The following ATP9B variants were observed in gnomAD, a reference collection of about 807,000 sequenced individuals.
ATP9B encodes the protein ATPase phospholipid transporting 9B.
A neutral mutation model predicts 146.1 loss-of-function variants in ATP9B; 110 were observed. The ratio of observed to expected loss-of-function variants is 0.75; its 90% CI spans 0.65 to 0.88. The LOEUF (loss-of-function observed/expected upper bound fraction) is 0.88, where lower values mean the gene tolerates loss of function less well. Ranked by LOEUF, ATP9B falls within the 40% of genes least tolerant of loss-of-function variation. ATP9B has a pLI of 0.00. For synonymous variants in ATP9B, 604 were observed against 569.7 expected (o/e 1.06, Z -0.86); for missense variants, 1,499 against 1,496.4 (o/e 1.00, Z -0.03).
Position 79,214,874 on chromosome 18 carries a change from G to A in ATP9B, c.1107+836G>A, listed in dbSNP as rs76652038. On this transcript the variant is annotated intron_variant, in intron 11 of 29. Coordinates refer to ENST00000426216, the MANE Select transcript of ATP9B (RefSeq NM_198531.5). ...AATTCTTTGAAAAGATAGGCCAAGC[G>A]TGGTGGCTCACGCCTCTAATTACAG... is the stretch of plus-strand genomic sequence containing the variant. 4.8e-3 allele frequency among the ~76,000 whole-genome samples: 727 copies of A among 152,306 alleles called. 4 individuals carry two copies. Among genetic ancestry groups the A allele is most frequent in the South Asian group, 8.9e-3 (43 of 4,830 alleles).
chr18:79,217,399 T>A (rs1285266965), intron 11 of ATP9B, among the ~76,000 whole-genome samples: 1 of 152,218 alleles, frequency 6.6e-6, no homozygotes, highest in African/African-American at 2.4e-5. Context: ...TTAGCCAGGA[T>A]TGTCTCATTC....
At chr18:79,369,709 C>T (rs1458047066) in intron 26 of ATP9B, among the ~76,000 whole-genome samples, 7 of 152,246 alleles carry the variant, frequency 4.6e-5, no homozygotes, top group South Asian at 2.1e-4. Flanking sequence ...TCACGCCACA[C>T]GCGCATCAGC....
intron 1 of ATP9B, among the ~76,000 whole-genome samples, chr18:79,084,785 A>C (rs671928): frequency 0.061 from 9,253 of 152,244 alleles, 365 homozygotes; most frequent in Non-Finnish European, 0.092. Context: ...TTTTCCTTGA[A>C]GTGGAATTAT....
At chr18:79,311,308 G>A (rs1039916572) in intron 15 of ATP9B, among the ~76,000 whole-genome samples, 4 of 152,112 alleles carry the variant, frequency 2.6e-5, no homozygotes, top group Non-Finnish European at 5.9e-5. Context: ...TTGATAAACG[G>A]GTGAATGTGA....
intron 13 of ATP9B, among the ~76,000 whole-genome samples, chr18:79,288,355 C>G (rs2096465748): frequency 6.6e-6 from 1 of 152,072 alleles, no homozygotes; most frequent in African/African-American, 2.4e-5. Flanking sequence ...TGACTTGATC[C>G]CTTTACCATT....
chr18:79,331,745 CAGAA>C (rs1427221337), intron 17 of ATP9B, among the ~76,000 whole-genome samples: 9 of 151,736 alleles, frequency 5.9e-5, no homozygotes, highest in Non-Finnish European at 1.0e-4. Context: ...GATCACATAA[CAGAA>C]AGAACCAGTT....
At chr18:79,275,237 C>T (rs1200311030) in intron 12 of ATP9B, among the ~76,000 whole-genome samples, 1 of 146,510 alleles carries the variant, frequency 6.8e-6, no homozygotes, top group African/African-American at 2.5e-5. Context: ...CTCTTCTGTA[C>T]AGGAAGGCAG....
chr18:79,307,316 GGGAATATAGA>G, intron 15 of ATP9B, 82 bp downstream of exon 15: 1 of 1,582,204 alleles, frequency 6.3e-7, no homozygotes, highest in East Asian at 2.2e-5. Context: ...TTCTGGGATG[GGGAATATAGA>G]GGAGCAGTTT....
chr18:79,246,537 C>T (rs2144875436), intron 11 of ATP9B, among the ~76,000 whole-genome samples: 1 of 152,358 alleles, frequency 6.6e-6, no homozygotes, highest in East Asian at 1.9e-4. Context: ...TAGATTCTGG[C>T]CAGCATTCTG....
intron 12 of ATP9B, among the ~76,000 whole-genome samples, chr18:79,268,670 T>G (rs1461006478): frequency 6.6e-6 from 1 of 152,236 alleles, no homozygotes; most frequent in Admixed American, 6.5e-5. Flanking sequence ...AAACCCTGGT[T>G]ATTCTTAAAC....
intron 12 of ATP9B, among the ~76,000 whole-genome samples, chr18:79,260,151 A>G (rs926937923): frequency 6.6e-6 from 1 of 152,194 alleles, no homozygotes; most frequent in Non-Finnish European, 1.5e-5. Context: ...TTGATGAACA[A>G]AGGAGGTTGA....
Position 79,069,530 on chromosome 18 carries a change from G to T in ATP9B, c.119+1G>T. On this transcript the variant is annotated splice_donor_variant, in intron 1 of 29. Transcript: ENST00000426216. LOFTEE classifies it high-confidence loss of function. ...GGCCGGGAGCCGACCGGCACAGCAG[G>T]TAACCGAGGCGGCACTGGCCCCGTT... 1 of 1,368,944 alleles carries T rather than the reference G, an allele frequency of 7.3e-7. No homozygotes were observed. Among genetic ancestry groups the T allele is most frequent in the South Asian group, 1.7e-5 (1 of 59,660 alleles). 84.8% of individuals were successfully genotyped at this position (1,368,944 alleles called of 1,614,324 possible). A position where few individuals can be genotyped will look rare whatever the true frequency, so the allele number is the denominator to read the frequency against.
At chr18:79,360,491 C>T (rs1035757591) in intron 26 of ATP9B, 2 of 151,878 alleles carry the variant, frequency 1.3e-5, no homozygotes, top group Non-Finnish European at 2.9e-5. Flanking sequence ...TCCTGTCTGT[C>T]TAACTAGTAA....
chr18:79,101,247 C>T (rs990197243), intron 2 of ATP9B, among the ~76,000 whole-genome samples: 23 of 152,074 alleles, frequency 1.5e-4, no homozygotes, highest in African/African-American at 5.3e-4. Flanking sequence ...GCCTTGGAAA[C>T]CACTCATCAG....
intron 15 of ATP9B, among the ~76,000 whole-genome samples, chr18:79,319,411 C>T (rs2146848070): frequency 6.6e-6 from 1 of 152,000 alleles, no homozygotes; most frequent in Non-Finnish European, 1.5e-5. Flanking sequence ...GGGCCCCCTC[C>T]TCTCCTGGCT....
Position 79,377,342 on chromosome 18 carries a change from C to T in ATP9B, c.3403C>T (p.Arg1135Cys), listed in dbSNP as rs768778637. Residue 1135 changes from arginine to cysteine, a missense_variant, in exon 30 of 30, where the codon CGC becomes TGC. Arg to Cys is a radical substitution (Grantham distance 180, BLOSUM62 -3). Coordinates refer to ENST00000426216, the MANE Select transcript of ATP9B (RefSeq NM_198531.5). ...GCTGTATGTCCTCAAGTACCTGAGG[C>T]GCAAGCTCTCTCCTCCCAGCTACTG... The part of the protein sequence containing the change: ...LPLYVLKYLR[R>C]KLSPPSYCKL... The T allele has an allele frequency of 1.4e-5, 22 of 1,610,992 alleles. No individual in the cohort carries two copies. In the South Asian group the frequency reaches 1.6e-4, roughly 12 times the overall value.
chr18:79,327,769 G>A (rs1322857716), intron 15 of ATP9B, among the ~76,000 whole-genome samples: 3 of 130,056 alleles, frequency 2.3e-5, no homozygotes, highest in Admixed American at 7.8e-5. Flanking sequence ...GCTCTCTGTG[G>A]TTAACGTGCT....
chr18:79,210,479 C>T (rs983243842), intron 10 of ATP9B, among the ~76,000 whole-genome samples: 11 of 152,236 alleles, frequency 7.2e-5, no homozygotes, highest in Non-Finnish European at 1.0e-4. Flanking sequence ...GGGTGTGGGT[C>T]ACCTGTGTCT....
chr18:79,284,165 G>A (rs994211109), intron 13 of ATP9B, among the ~76,000 whole-genome samples: 4 of 152,210 alleles, frequency 2.6e-5, no homozygotes, highest in African/African-American at 9.6e-5. Flanking sequence ...TGACGTGTGT[G>A]CTAGTGAGTG....
Sources: allele counts gnomAD v4.1 joint callset (sites outside exome capture counted in the v4.1 genomes callset), GRCh38; gene constraint gnomAD v4.1.1; transcripts MANE v1.5; gene names NCBI Gene and HGNC (gene_info 2026-07-23, HGNC 2026-07-21).